Variants in ADAMTSL1 observed in about 807,000 individuals in gnomAD.
The protein encoded by ADAMTSL1 is ADAMTS like 1.
A neutral mutation model predicts 201.8 loss-of-function variants in ADAMTSL1; 126 were observed. The observed-to-expected ratio is 0.62, with a 90% confidence interval of 0.54 to 0.72. ADAMTSL1 has a LOEUF of 0.72. ADAMTSL1 is among the 30% of genes least tolerant of loss of function. The probability of loss-of-function intolerance (pLI) is 0.00; values close to 1 mark genes in which losing one functional copy is unlikely to be tolerated. For missense variants in ADAMTSL1, 2,679 were observed against 2,277.8 expected (o/e 1.18, Z -3.59); for synonymous variants, 1,121 against 903.4 (o/e 1.24, Z -4.32).
chr9:18,287,624 C>A (rs55672840), intron 2 of ADAMTSL1, among the ~76,000 whole-genome samples: 2 of 148,106 alleles, frequency 1.4e-5, no homozygotes, highest in African/African-American at 4.9e-5. Context: ...TATGTGTATA[C>A]ATATACGCAT....
At chr9:18,542,523 T>C (rs950111115) in intron 3 of ADAMTSL1, among the ~76,000 whole-genome samples, 1 of 152,154 alleles carries the variant, frequency 6.6e-6, no homozygotes, top group Non-Finnish European at 1.5e-5. Flanking sequence ...TAAATCAGTA[T>C]GACTGGTGGT....
At chr9:17,953,705 G>A (rs1355737515) in intron 1 of ADAMTSL1, among the ~76,000 whole-genome samples, 2 of 152,152 alleles carry the variant, frequency 1.3e-5, no homozygotes. Flanking sequence ...GAAAGAAAAA[G>A]GATATGCTTG....
intron 20 of ADAMTSL1, among the ~76,000 whole-genome samples, chr9:18,816,720 C>CTTTTTTTTTTTTTTTTT (rs751791974): frequency 2.5e-5 from 1 of 39,720 alleles, no homozygotes; most frequent in Non-Finnish European, 4.4e-5. Context: ...AACCCTTGGT[C>CTTTTTTTTTTTTTTTTT]TTTTTTTTTT....
chr9:18,244,421 C>T (rs1259154214), intron 2 of ADAMTSL1, among the ~76,000 whole-genome samples: 2 of 152,084 alleles, frequency 1.3e-5, no homozygotes, highest in African/African-American at 4.8e-5. Flanking sequence ...ATGATACATC[C>T]TAGCCCAGAA....
chr9:18,032,810 G>GT (rs1005167153), intron 1 of ADAMTSL1, among the ~76,000 whole-genome samples: 5 of 152,174 alleles, frequency 3.3e-5, no homozygotes, highest in East Asian at 1.9e-4. Flanking sequence ...GGAACTGTGG[G>GT]TTTTTTGGAG....
chr9:18,788,954 G>T lies in ADAMTSL1; in HGVS notation c.3678-6443G>T, dbSNP rs149853382. ...GGAAATAACTAGTTGTCCTTATTCA[G>T]AGATTCCTGAGTCAAGAATAGAATT... is the stretch of plus-strand genomic sequence containing the variant. On this transcript the variant is annotated intron_variant, in intron 19 of 28. Coordinates refer to ENST00000380548, the MANE Select transcript of ADAMTSL1 (RefSeq NM_001040272.6). 9.2e-5 allele frequency among the ~76,000 whole-genome samples: 14 copies of T among 151,988 alleles called. No homozygotes were observed. The East Asian group carries it at 2.7e-3, about 29-fold the overall frequency.
chr9:18,293,313 C>T (rs1246161693), intron 2 of ADAMTSL1, among the ~76,000 whole-genome samples: 1 of 152,182 alleles, frequency 6.6e-6, no homozygotes, highest in Non-Finnish European at 1.5e-5. Context: ...ATAAGTAGTT[C>T]AGCAATAAAA....
chr9:18,431,960 A>G (rs984474978), intron 2 of ADAMTSL1, among the ~76,000 whole-genome samples: 3 of 152,222 alleles, frequency 2.0e-5, no homozygotes, highest in African/African-American at 7.2e-5. Context: ...AATTTTACAA[A>G]GTTTATAGAA....
intron 2 of ADAMTSL1, among the ~76,000 whole-genome samples, chr9:18,188,873 C>A (rs774050282): frequency 1.3e-5 from 2 of 152,174 alleles, no homozygotes; most frequent in South Asian, 4.1e-4. Context: ...CTGTTGGCAT[C>A]GTTTTTCATT....
chr9:18,476,662 T>C (rs1821469439), intron 1 of ADAMTSL1, among the ~76,000 whole-genome samples: 1 of 151,104 alleles, frequency 6.6e-6, no homozygotes, highest in Admixed American at 6.6e-5. Flanking sequence ...GGCTTGTTTT[T>C]CCTATAGTCT....
At chr9:17,927,078 C>T (rs984011887) in intron 1 of ADAMTSL1, among the ~76,000 whole-genome samples, 1 of 152,122 alleles carries the variant, frequency 6.6e-6, no homozygotes, top group East Asian at 1.9e-4. Context: ...TCCCCTATCC[C>T]CTGGCAACCA....
At chr9:18,854,521 C>T (rs1399273053) in intron 23 of ADAMTSL1, among the ~76,000 whole-genome samples, 1 of 152,142 alleles carries the variant, frequency 6.6e-6, no homozygotes, top group Admixed American at 6.6e-5. Context: ...GAAGACTTTT[C>T]ACAGCATTTC....
At chr9:18,029,757 CA>C (rs1180547893) in intron 1 of ADAMTSL1, among the ~76,000 whole-genome samples, 2 of 152,166 alleles carry the variant, frequency 1.3e-5, no homozygotes, top group African/African-American at 4.8e-5. Flanking sequence ...AGACACTTCT[CA>C]AAAGAAGACA....
chr9:18,723,833 A>T (rs548603169), intron 15 of ADAMTSL1: 1 of 152,402 alleles, frequency 6.6e-6, no homozygotes, highest in Admixed American at 6.5e-5. Context: ...CCTGTGGAAT[A>T]TCTCACTCTG....
Position 18,753,313 on chromosome 9 carries a change from G to A in ADAMTSL1, c.2022G>A (p.Lys674=). ...TTCTTCTCAGGTGGGAAATTGGCAA[G>A]TGGAGTCCATGTAGTCTCACATGTG... ...DPCPARWEIG[K]WSPCSLTCGV... Residue 674 remains lysine, a synonymous_variant, in exon 16 of 29, where the codon AAG becomes AAA. Coordinates refer to ENST00000380548, the MANE Select transcript of ADAMTSL1 (RefSeq NM_001040272.6). 6.2e-7 allele frequency: 1 copy of A among 1,611,724 alleles called. No individual in the cohort carries two copies.
chr9:18,515,761 C>T (rs567677403), intron 2 of ADAMTSL1, among the ~76,000 whole-genome samples: 18 of 152,280 alleles, frequency 1.2e-4, no homozygotes, highest in African/African-American at 4.1e-4. Context: ...AGGTACTACT[C>T]TTTATCTACT....
At chr9:18,858,402 A>G (rs1827002674) in intron 23 of ADAMTSL1, among the ~76,000 whole-genome samples, 1 of 152,154 alleles carries the variant, frequency 6.6e-6, no homozygotes, top group African/African-American at 2.4e-5. Context: ...CAGCCTCAAC[A>G]TCCCATCCTG....
chr9:18,291,869 G>A (rs1212014340), intron 2 of ADAMTSL1, among the ~76,000 whole-genome samples: 2 of 151,938 alleles, frequency 1.3e-5, no homozygotes, highest in Admixed American at 6.6e-5. Flanking sequence ...TGCCTGTCTG[G>A]TGAGAGTCTG....
chr9:18,314,312 T>G (rs2132812010), intron 2 of ADAMTSL1, among the ~76,000 whole-genome samples: 1 of 152,288 alleles, frequency 6.6e-6, no homozygotes, highest in African/African-American at 2.4e-5. Flanking sequence ...AACTATTGTG[T>G]CCGGAATTGG....
Sources: gnomAD v4.1 joint callset for allele counts (sites outside exome capture counted in the v4.1 genomes callset) on GRCh38, gnomAD v4.1.1 for gene constraint, MANE v1.5 for transcripts, NCBI Gene and HGNC (gene_info 2026-07-23, HGNC 2026-07-21) for gene names.